Variants in TBP observed in about 807,000 individuals in gnomAD.
TBP encodes the protein TATA-box-binding protein.
In TBP, 12 loss-of-function variants were observed where a neutral mutation model predicts 46.2. That is an observed-to-expected ratio of 0.26 (90% CI 0.17 to 0.42). The LOEUF is 0.42. Ranked by LOEUF, TBP falls within the 10% of genes least tolerant of loss-of-function variation. TBP has a pLI of 1.00. For synonymous variants in TBP, 157 were observed against 148.3 expected (o/e 1.06, Z -0.42); for missense variants, 229 against 403.1 (o/e 0.57, Z 3.70).
intron 3 of TBP, among the ~76,000 whole-genome samples, chr6:170,563,046 C>T (rs1156403669): frequency 2.0e-5 from 3 of 152,032 alleles, no homozygotes; most frequent in East Asian, 1.9e-4. Flanking sequence ...GGTGTGTAAT[C>T]GTGGATGCTG....
chr6:170,563,799 T>A lies in TBP; in HGVS notation c.498-746T>A, dbSNP rs184616262. Among the ~76,000 whole-genome samples the A allele has an allele frequency of 7.9e-5, 12 of 152,372 alleles. No homozygotes were observed. The East Asian group carries it at 2.3e-3, about 29-fold the overall frequency. On this transcript the variant is annotated intron_variant, in intron 3 of 7. Transcript: ENST00000392092. ...ATTGCATTCAAAGGGCATTGCCCATTTCAACTATATATACTTTCATAAGCA... is the reference window on the plus strand; with the variant it reads ...ATTGCATTCAAAGGGCATTGCCCATATCAACTATATATACTTTCATAAGCA...
At chr6:170,571,642 G>A (rs1779367846) in intron 7 of TBP, 138 bp downstream of exon 7, 2 of 666,184 alleles carry the variant, frequency 3.0e-6, no homozygotes, top group Non-Finnish European at 5.2e-6. Flanking sequence ...AAAGTCTGAT[G>A]AGAAACGTGC....
Position 170,561,931 on chromosome 6 carries a change from G to A in TBP, c.195G>A (p.Gln65=), listed in dbSNP as rs935523115. ...QQRQQQQQQQ[Q]QQQQQQQQQQ... ...GGCAGCAGCAGCAACAACAACAGCA[G>A]CAGCAGCAGCAGCAGCAGCAACAGC... The change falls in exon 3 of 8, where the codon CAG becomes CAA. Residue 65 remains glutamine (Q), a synonymous_variant. Transcript: ENST00000392092. 2 of 1,443,788 alleles carry A rather than the reference G, an allele frequency of 1.4e-6. No homozygotes were observed. Among genetic ancestry groups the A allele is most frequent in the Non-Finnish European group, 9.5e-7 (1 of 1,050,538 alleles). The allele number at this position is 1,443,788 out of a possible 1,614,324, so 89.4% of individuals were successfully genotyped here.
At chr6:170,560,608 A>C (rs1779122630) in intron 2 of TBP, among the ~76,000 whole-genome samples, 1 of 152,174 alleles carries the variant, frequency 6.6e-6, no homozygotes, top group Non-Finnish European at 1.5e-5. Context: ...TCATGGGAGG[A>C]GGGTGAAATA....
intron 5 of TBP, among the ~76,000 whole-genome samples, chr6:170,567,791 C>G (rs1486415831): frequency 6.6e-6 from 1 of 152,136 alleles, no homozygotes; most frequent in African/African-American, 2.4e-5. Flanking sequence ...AATGTCATTG[C>G]CTATATTCTC....
At chr6:170,570,948 C>T (rs1284031661) in intron 6 of TBP, among the ~76,000 whole-genome samples, 1 of 152,084 alleles carries the variant, frequency 6.6e-6, no homozygotes, top group African/African-American at 2.4e-5. Flanking sequence ...CAATTGTCAG[C>T]TAGAGAATAT....
intron 2 of TBP, 120 bp from the exon 3 acceptor site, chr6:170,561,671 A>G: frequency 6.7e-7 from 1 of 1,500,190 alleles, no homozygotes; most frequent in South Asian, 1.3e-5. Context: ...AATGTTTAAT[A>G]ACCCCATTAT....
intron 2 of TBP, among the ~76,000 whole-genome samples, chr6:170,561,103 A>G (rs1779130654): frequency 6.6e-6 from 1 of 152,234 alleles, no homozygotes; most frequent in South Asian, 2.1e-4. Context: ...AGCCATCAAC[A>G]TCGAGGCAAG....
chr6:170,564,199 A>G (rs1457803375), intron 3 of TBP, among the ~76,000 whole-genome samples: 1 of 152,220 alleles, frequency 6.6e-6, no homozygotes, highest in African/African-American at 2.4e-5. Context: ...TTTGTCTGTG[A>G]GAAGGCTAAG....
rs565742331 is a variant in TBP at position 170,571,143 on chromosome 6, C to T, written c.846-267C>T. 3.9e-4 allele frequency among the ~76,000 whole-genome samples: 60 copies of T among 152,180 alleles called. 1 individual carries two copies. In the South Asian group the frequency reaches 0.012, roughly 30 times the overall value. ...CAGACATAACTACAGGGCTCTTTTT[C>T]TTAAATCAGAAAATCCAGATTCAAT... On this transcript the variant is annotated intron_variant, in intron 6 of 7. Coordinates refer to ENST00000392092, the MANE Select transcript of TBP (RefSeq NM_003194.5).
At chr6:170,571,197 A>C (rs1395649160) in intron 6 of TBP, among the ~76,000 whole-genome samples, 1 of 152,202 alleles carries the variant, frequency 6.6e-6, no homozygotes, top group Non-Finnish European at 1.5e-5. Context: ...TAGGAGGACA[A>C]ATAGCCTTCC....
rs764468384 is a variant in TBP at position 170,564,560 on chromosome 6, A to G, written c.513A>G (p.Thr171=). 6.2e-7 allele frequency: 1 copy of G among 1,607,938 alleles called. No homozygotes were observed. The highest frequency in any genetic ancestry group is 1.1e-5 in the South Asian group (1 of 89,576). The change falls in exon 4 of 8, where the codon ACA becomes ACG. Residue 171 remains threonine (T), a synonymous_variant. Transcript: ENST00000392092. The part of the protein sequence containing the change: ...IVPQLQNIVS[T]VNLGCKLDLK... ...TCTCTTACAGAAATATTGTATCCAC[A>G]GTGAATCTTGGTTGTAAACTTGACC...
At chr6:170,560,137 T>G (rs1400377396) in intron 2 of TBP, among the ~76,000 whole-genome samples, 1 of 152,238 alleles carries the variant, frequency 6.6e-6, no homozygotes, top group East Asian at 1.9e-4. Context: ...TTTTCATGCC[T>G]GCTTAAATAA....
At chr6:170,561,353 G>A (rs762516539) in intron 2 of TBP, among the ~76,000 whole-genome samples, 5 of 152,166 alleles carry the variant, frequency 3.3e-5, no homozygotes, top group Non-Finnish European at 7.3e-5. Context: ...AGGTATGCCT[G>A]TATCTTCATT....
chr6:170,562,015 G>GCAGCAA lies in TBP; in HGVS notation c.281_282insGCAACA (p.Gln94_Gln95dup), dbSNP rs1554246018. 3 of 1,602,066 alleles carry GCAGCAA rather than the reference G, an allele frequency of 1.9e-6. No homozygotes were observed. The highest frequency in any genetic ancestry group is 2.2e-5 in the East Asian group (1 of 44,580). On this transcript the variant is annotated inframe_insertion, in exon 3 of 8. Transcript: ENST00000392092. Reference sequence around the variant, plus strand: ...AGCAGCAGCAGCAGCAGCAGCAGCAGCAACAGGCAGTGGCAGCTGCAGCCG... The same window carrying GCAGCAA: ...AGCAGCAGCAGCAGCAGCAGCAGCAGCAGCAACAACAGGCAGTGGCAGCTGCAGCCG...
chr6:170,557,676 C>T (rs1779054126), intron 2 of TBP, among the ~76,000 whole-genome samples: 2 of 125,752 alleles, frequency 1.6e-5, no homozygotes, highest in African/African-American at 3.1e-5. Flanking sequence ...GTGGAGGTTG[C>T]AGTGAGCAGA....
chr6:170,566,157 G>A (rs1169058135), intron 4 of TBP, among the ~76,000 whole-genome samples: 2 of 152,062 alleles, frequency 1.3e-5, no homozygotes, highest in East Asian at 1.9e-4. Flanking sequence ...TTAGAAACAT[G>A]TAGGTTTTTA....
chr6:170,566,464 C>G (rs1375166152), intron 4 of TBP, among the ~76,000 whole-genome samples: 1 of 152,126 alleles, frequency 6.6e-6, no homozygotes, highest in Non-Finnish European at 1.5e-5. Flanking sequence ...TATTGATAGG[C>G]TTGTAATCTG....
In TBP at chr6:170,563,370, G is replaced by A. The variant is rs149667326; in HGVS notation, c.497+1137G>A. Among the ~76,000 whole-genome samples, 9 of 152,258 alleles carry A rather than the reference G, an allele frequency of 5.9e-5. No individual in the cohort carries two copies. In the East Asian group the frequency reaches 1.7e-3, roughly 29 times the overall value. ...TCCACTATCTACTAAGAACCCTCCC[G>A]GGTGGTAGTTCAGTGCCCTCTCCAT... On this transcript the variant is annotated intron_variant, in intron 3 of 7. Coordinates refer to ENST00000392092, the MANE Select transcript of TBP (RefSeq NM_003194.5).
Sources: allele counts gnomAD v4.1 joint callset (sites outside exome capture counted in the v4.1 genomes callset), GRCh38; gene constraint gnomAD v4.1.1; transcripts MANE v1.5; gene names NCBI Gene and HGNC (gene_info 2026-07-23, HGNC 2026-07-21).